Variants in ITGBL1 observed in about 807,000 individuals in gnomAD.
The protein encoded by ITGBL1 is integrin beta-like protein 1.
ITGBL1 carries 51 observed loss-of-function variants against 68.5 expected under a neutral mutation model. The observed-to-expected ratio is 0.74, with a 90% confidence interval of 0.59 to 0.94. ITGBL1 has a LOEUF of 0.94. ITGBL1 is among the 40% of genes least tolerant of loss of function. ITGBL1 has a pLI of 0.00. For synonymous variants in ITGBL1, 209 were observed against 227.3 expected (o/e 0.92, Z 0.72); for missense variants, 649 against 647.4 (o/e 1.00, Z -0.03).
At chr13:101,468,071 G>A (rs2048407811) in intron 2 of ITGBL1, among the ~76,000 whole-genome samples, 1 of 152,146 alleles carries the variant, frequency 6.6e-6, no homozygotes, top group African/African-American at 2.4e-5. Flanking sequence ...TTTCTGCTGA[G>A]CAAAATAGTT....
chr13:101,606,194 C>T (rs1417186975), intron 7 of ITGBL1, among the ~76,000 whole-genome samples: 2 of 115,340 alleles, frequency 1.7e-5, no homozygotes, highest in African/African-American at 3.4e-5. Flanking sequence ...ATATATATAG[C>T]CTTATATCAT....
intron 7 of ITGBL1, among the ~76,000 whole-genome samples, chr13:101,682,075 A>C (rs2033656665): frequency 6.6e-6 from 1 of 152,222 alleles, no homozygotes; most frequent in African/African-American, 2.4e-5. Flanking sequence ...TAACTATTAA[A>C]AAATAAGACA....
chr13:101,587,963 C>G (rs1318323750), intron 6 of ITGBL1, among the ~76,000 whole-genome samples: 2 of 151,658 alleles, frequency 1.3e-5, no homozygotes, highest in Non-Finnish European at 2.9e-5. Context: ...ATTTTTTGAT[C>G]CTTTAAAAAG....
intron 2 of ITGBL1, among the ~76,000 whole-genome samples, chr13:101,547,557 T>C (rs1165068037): frequency 6.6e-6 from 1 of 151,714 alleles, no homozygotes; most frequent in Non-Finnish European, 1.5e-5. Context: ...GAAATGGATG[T>C]CTGGGAAGGG....
At chr13:101,700,052 C>T (rs2034098943) in intron 8 of ITGBL1, among the ~76,000 whole-genome samples, 1 of 152,182 alleles carries the variant, frequency 6.6e-6, no homozygotes, top group East Asian at 1.9e-4. Context: ...ATAGCTGCTT[C>T]ACTTCTAGGG....
chr13:101,658,785 C>T (rs1251224818), intron 7 of ITGBL1, among the ~76,000 whole-genome samples: 1 of 152,118 alleles, frequency 6.6e-6, no homozygotes, highest in Non-Finnish European at 1.5e-5. Context: ...CTAAATCATT[C>T]ACAGTCAACC....
chr13:101,619,087 G>A lies in ITGBL1; in HGVS notation c.1015+20788G>A, dbSNP rs141983364. 3.5e-3 allele frequency among the ~76,000 whole-genome samples: 536 copies of A among 152,074 alleles called. 4 individuals carry two copies. Among genetic ancestry groups the A allele is most frequent in the African/African-American group, 0.012 (504 of 41,492 alleles). ...GCATTCAGGTTGATATTGATCTTGAGTATCATTGATTACGTGTACAGCCTT... is the reference window on the plus strand; with the variant it reads ...GCATTCAGGTTGATATTGATCTTGAATATCATTGATTACGTGTACAGCCTT... On this transcript the variant is annotated intron_variant, in intron 7 of 10. Transcript: ENST00000376180.
intron 7 of ITGBL1, among the ~76,000 whole-genome samples, chr13:101,600,183 T>A (rs934512543): frequency 2.2e-4 from 33 of 152,306 alleles, no homozygotes; most frequent in African/African-American, 6.7e-4. Context: ...CTAGGTATTT[T>A]ATTCTCTTTG....
At chr13:101,647,909 G>A (rs890913450) in intron 7 of ITGBL1, among the ~76,000 whole-genome samples, 2 of 152,172 alleles carry the variant, frequency 1.3e-5, no homozygotes, top group Admixed American at 6.6e-5. Context: ...GATTAGAACT[G>A]GTGGGAGCGC....
chr13:101,555,545 G>C (rs1383109793), intron 2 of ITGBL1, among the ~76,000 whole-genome samples: 1 of 152,106 alleles, frequency 6.6e-6, no homozygotes, highest in South Asian at 2.1e-4. Context: ...TGATGTCAAG[G>C]TATAATATGG....
At chr13:101,543,550 C>T (rs2139192524) in intron 2 of ITGBL1, among the ~76,000 whole-genome samples, 1 of 152,166 alleles carries the variant, frequency 6.6e-6, no homozygotes, top group South Asian at 2.1e-4. Flanking sequence ...GGTTGCTCTT[C>T]TTGAGGAGTA....
chr13:101,590,529 C>T (rs7338693), intron 6 of ITGBL1, among the ~76,000 whole-genome samples: 1 of 152,166 alleles, frequency 6.6e-6, no homozygotes, highest in Non-Finnish European at 1.5e-5. Context: ...ATGTATTGTT[C>T]TAACCTTCAC....
intron 3 of ITGBL1, among the ~76,000 whole-genome samples, chr13:101,571,495 C>T (rs2050271863): frequency 6.6e-6 from 1 of 151,942 alleles, no homozygotes; most frequent in African/African-American, 2.4e-5. Flanking sequence ...TAATTCCTTC[C>T]CATCTGTATT....
chr13:101,542,702 T>C (rs2049732819), intron 2 of ITGBL1, among the ~76,000 whole-genome samples: 1 of 152,344 alleles, frequency 6.6e-6, no homozygotes, highest in Admixed American at 6.5e-5. Flanking sequence ...AGTTTCTTTG[T>C]AGGTCTCTAA....
intron 3 of ITGBL1, among the ~76,000 whole-genome samples, chr13:101,575,097 C>G (rs919590804): frequency 6.6e-6 from 1 of 152,118 alleles, no homozygotes; most frequent in African/African-American, 2.4e-5. Flanking sequence ...TATTTCACTT[C>G]AGACCCAGGT....
chr13:101,561,348 C>G (rs886614483), intron 2 of ITGBL1, among the ~76,000 whole-genome samples: 2 of 152,094 alleles, frequency 1.3e-5, no homozygotes, highest in African/African-American at 2.4e-5. Context: ...ATGAAACTAT[C>G]CAGACATTTA....
At chr13:101,689,589 A>G (rs2033838200) in intron 7 of ITGBL1, among the ~76,000 whole-genome samples, 1 of 152,116 alleles carries the variant, frequency 6.6e-6, no homozygotes, top group African/African-American at 2.4e-5. Flanking sequence ...TGAGTGACAG[A>G]GCAAGACTCT....
At chr13:101,656,037 C>T (rs772029167) in intron 7 of ITGBL1, among the ~76,000 whole-genome samples, 11 of 151,934 alleles carry the variant, frequency 7.2e-5, no homozygotes, top group East Asian at 3.9e-4. Flanking sequence ...AGAAAGGTGG[C>T]ACAACTCAAA....
At chr13:101,575,597 C>G (rs777016356) in intron 4 of ITGBL1, 51 bp downstream of exon 4, 2 of 1,563,512 alleles carry the variant, frequency 1.3e-6, no homozygotes, top group Admixed American at 1.7e-5. Context: ...TTTTTTTCAC[C>G]TATTTCATTG....
Sources: gnomAD v4.1 joint callset for allele counts (sites outside exome capture counted in the v4.1 genomes callset) on GRCh38, gnomAD v4.1.1 for gene constraint, MANE v1.5 for transcripts, NCBI Gene and HGNC (gene_info 2026-07-23, HGNC 2026-07-21) for gene names.